STAB1: variants seen among roughly 807,000 people sequenced by gnomAD.
STAB1 encodes stabilin 1.
In STAB1, 250 loss-of-function variants were observed where a neutral mutation model predicts 332.4. That is an observed-to-expected ratio of 0.75 (90% CI 0.68 to 0.84). The LOEUF is 0.84. STAB1 is among the 40% of genes least tolerant of loss of function. The pLI is 0.00. For missense variants in STAB1, 3,249 were observed against 3,489.7 expected (o/e 0.93, Z 1.74); for synonymous variants, 1,475 against 1,390.4 (o/e 1.06, Z -1.35).
rs569203616 is a variant in STAB1, at chr3:52,502,178, C to T, written c.437C>T (p.Ala146Val). Residue 146 changes from alanine to valine, a missense_variant, in exon 5 of 69, where the codon GCC (alanine) becomes GTC (valine). Transcript: ENST00000321725. ...CVCQENFRGS[A>V]CQECQDPNRF... ...CACCAGGAAAACTTCCGCGGCTCAG[C>T]CTGCCAGGAGTGCCAAGACCCCAAC... The T allele has an allele frequency of 6.2e-7, 1 of 1,613,396 alleles. No homozygotes were observed. Among genetic ancestry groups the T allele is most frequent in the South Asian group, 1.1e-5 (1 of 91,082 alleles).
At position 52,522,616 on chromosome 3, in the gene STAB1, G is replaced by A. The variant is rs117661203; in HGVS notation, c.6672G>A (p.Ser2224=). 2,212 of 1,612,956 alleles carry A rather than the reference G, an allele frequency of 1.4e-3. 52 individuals carry two copies. In the East Asian group the frequency reaches 0.045, roughly 33 times the overall value. The change falls in exon 61 of 69, where the codon TCG becomes TCA. Residue 2224 remains serine, a synonymous_variant. Coordinates refer to ENST00000321725, the MANE Select transcript of STAB1 (RefSeq NM_015136.3). ...ATSGPYGLNF[S]EAEAACEAQG... is the part of the protein sequence containing the mutation. Reference sequence around the variant, plus strand: ...GCGGCCCTTATGGTCTGAACTTTTCGGAGGCTGAGGCGGCATGCGAAGCAC... The same window carrying A: ...GCGGCCCTTATGGTCTGAACTTTTCAGAGGCTGAGGCGGCATGCGAAGCAC...
At chr3:52,513,425 CAGG>C (rs1381878918) in intron 30 of STAB1, among the ~76,000 whole-genome samples, 184 bp downstream of exon 30, 3 of 152,176 alleles carry the variant, frequency 2.0e-5, no homozygotes. Context: ...GTCGCTGGGC[CAGG>C]AGTGACTGCC....
Position 52,505,898 on chromosome 3 carries a change from C to T in STAB1, c.1711C>T (p.Gln571Ter). The T allele has an allele frequency of 3.1e-6, 5 of 1,613,966 alleles. No homozygotes were observed. Among genetic ancestry groups the T allele is most frequent in the Non-Finnish European group, 4.2e-6 (5 of 1,180,042 alleles). Residue 571 changes from glutamine (Q) to a stop codon, truncating the protein, a stop_gained, in exon 16 of 69, where the codon CAG becomes TAG. Coordinates refer to ENST00000321725, the MANE Select transcript of STAB1 (RefSeq NM_015136.3). LOFTEE classifies it high-confidence loss of function. ...YLFTAGLSKL[Q>*]ELVRYHIYNH... is the part of the protein sequence containing the mutation. ...CCCCTGCCAGGGTCTCTCTAAACTG[C>T]AGGAGTTGGTGCGGTACCACATCTA...
Position 52,502,617 on chromosome 3 carries a change from G to C in STAB1, c.488-15G>C, listed in dbSNP as rs754080518. 5.0e-6 allele frequency: 8 copies of C among 1,604,932 alleles called. No homozygotes were observed. The South Asian group carries it at 8.8e-5, about 18-fold the overall frequency. ...AGAGGCTGGGGCCCCATCTGTCTCT[G>C]TGTGTCCCTCCCAGTGTGCAGCTGT... On this transcript the variant is annotated splice_polypyrimidine_tract_variant and intron_variant, in intron 5 of 68. Transcript: ENST00000321725.
At position 52,510,784 on chromosome 3, in the gene STAB1, C is replaced by T. The variant is rs149790046; in HGVS notation, c.2787+277C>T. ...GAGCAAAGCAGGAAAAGCCCCTGCCCGTGGGAGTGACCTCCCCAAAACTTT... is the reference window on the plus strand; with the variant it reads ...GAGCAAAGCAGGAAAAGCCCCTGCCTGTGGGAGTGACCTCCCCAAAACTTT... On this transcript the variant is annotated intron_variant, in intron 25 of 68. Transcript: ENST00000321725. Among the ~76,000 whole-genome samples the T allele has an allele frequency of 2.7e-3, 406 of 152,338 alleles. 2 individuals carry two copies. Among genetic ancestry groups the T allele is most frequent in the African/African-American group, 8.7e-3 (361 of 41,570 alleles).
chr3:52,503,506 A>T lies in STAB1; in HGVS notation c.857A>T (p.Asn286Ile). Residue 286 changes from asparagine to isoleucine, a missense_variant, in exon 8 of 69, where the codon AAC becomes ATC. Coordinates refer to ENST00000321725, the MANE Select transcript of STAB1 (RefSeq NM_015136.3). ...CTDNLGGCPS[N>I]STLCVYQKPG... ...GACAACCTTGGTGGCTGCCCCAGCA[A>T]CTCTACTTTGTGTGTGTACCAGAAG... is the stretch of plus-strand genomic sequence containing the variant. 1 of 1,613,394 alleles carries T rather than the reference A, an allele frequency of 6.2e-7. No individual in the cohort carries two copies. Among genetic ancestry groups the T allele is most frequent in the Non-Finnish European group, 8.5e-7 (1 of 1,179,968 alleles).
At position 52,507,926 on chromosome 3, in the gene STAB1, C is replaced by T; in HGVS notation, c.2053-5C>T. The T allele has an allele frequency of 1.2e-6, 2 of 1,612,894 alleles. No homozygotes were observed. Among genetic ancestry groups the T allele is most frequent in the Non-Finnish European group, 1.7e-6 (2 of 1,179,540 alleles). ...CACTGACTGGCTTTGCATGGCCCACCCTAGGACATCTTCCCCAAGGAGTGT... is the reference window on the plus strand; with the variant it reads ...CACTGACTGGCTTTGCATGGCCCACTCTAGGACATCTTCCCCAAGGAGTGT... On this transcript the variant is annotated splice_polypyrimidine_tract_variant and splice_region_variant and intron_variant, in intron 19 of 68. Transcript: ENST00000321725.
Position 52,510,195 on chromosome 3 carries a change from A to G in STAB1, c.2588A>G (p.Asn863Ser). Residue 863 changes from asparagine (N) to serine (S), a missense_variant, in exon 24 of 69, where the codon AAC (asparagine) becomes AGC (serine). Physicochemically the swap from Asn to Ser is conservative, Grantham distance 46. Coordinates refer to ENST00000321725, the MANE Select transcript of STAB1 (RefSeq NM_015136.3). ...EGDGFSCTPS[N>S]PCSHPDRGGC... ...GATGGCTTCTCCTGCACACCTAGCA[A>G]CCCCTGCTCCCACCCGGACCGTGGA... is the stretch of plus-strand genomic sequence containing the variant. 1 of 1,613,834 alleles carries G rather than the reference A, an allele frequency of 6.2e-7. No homozygotes were observed.
At chr3:52,509,625 C>CCT in intron 22 of STAB1, 1 of 599,912 alleles carries the variant, frequency 1.7e-6, no homozygotes. Flanking sequence ...GTCAGACACA[C>CCT]TGAAGAACTT....
chr3:52,503,555 C>T lies in STAB1; in HGVS notation c.891+15C>T. On this transcript the variant is annotated intron_variant, in intron 8 of 68. Coordinates refer to ENST00000321725, the MANE Select transcript of STAB1 (RefSeq NM_015136.3). ...AGCCGGGCCAGGTGAGCCAGGGTCC[C>T]AGGCCGGAACTGTCCCCACAGTGCA... The T allele has an allele frequency of 6.2e-7, 1 of 1,611,174 alleles. No individual in the cohort carries two copies.
chr3:52,519,447 G>A, intron 49 of STAB1, 43 bp downstream of exon 49: 1 of 1,611,924 alleles, frequency 6.2e-7, no homozygotes, highest in Non-Finnish European at 8.5e-7. Context: ...CAGGCAGGTG[G>A]GGGCCTGGGA....
At position 52,507,600 on chromosome 3, in the gene STAB1, C is replaced by A. The variant is rs747565615; in HGVS notation, c.1990-13C>A. ...ACTAACCCCTCTCCCCATCCTGCCC[C>A]TGCCCTGCCCAGGGCTCCTGTGTGG... On this transcript the variant is annotated splice_polypyrimidine_tract_variant and intron_variant, in intron 18 of 68. Transcript: ENST00000321725. 32 of 1,612,594 alleles carry A rather than the reference C, an allele frequency of 2.0e-5. No individual in the cohort carries two copies. Among genetic ancestry groups the A allele is most frequent in the Non-Finnish European group, 2.6e-5 (31 of 1,179,358 alleles).
At chr3:52,501,903 G>T (rs1054022979) in intron 3 of STAB1, 103 bp from the exon 4 acceptor site, 38 of 1,489,136 alleles carry the variant, frequency 2.6e-5, no homozygotes, top group East Asian at 2.3e-5. Context: ...CCTTGCTCTT[G>T]CTTCCTTGGG....
At chr3:52,519,237 T>G (rs1264256463) in intron 48 of STAB1, 27 bp from the exon 49 acceptor site, 11 of 1,600,376 alleles carry the variant, frequency 6.9e-6, no homozygotes, top group Non-Finnish European at 9.4e-6. Context: ...ACCTATCTGC[T>G]TCATCAGCCC....
chr3:52,516,420 C>A lies in STAB1; in HGVS notation c.4209C>A (p.Asn1403Lys), dbSNP rs199539457. 63 of 1,611,840 alleles carry A rather than the reference C, an allele frequency of 3.9e-5. No homozygotes were observed. In the East Asian group the frequency reaches 1.4e-3, roughly 36 times the overall value. The change falls in exon 39 of 69, where the codon AAC (asparagine) becomes AAA (lysine). Residue 1403 changes from asparagine (N) to lysine (K), a missense_variant. Coordinates refer to ENST00000321725, the MANE Select transcript of STAB1 (RefSeq NM_015136.3). Reference sequence around the variant, plus strand: ...AAGGGGACGGAAGCTGTGTCTGTAACGTGGGCTGGCAGGGCCTCCGCTGTG... The same window carrying A: ...AAGGGGACGGAAGCTGTGTCTGTAAAGTGGGCTGGCAGGGCCTCCGCTGTG... The part of the protein sequence containing the change: ...GLQGDGSCVC[N>K]VGWQGLRCDQ...
chr3:52,501,457 G>A, intron 2 of STAB1, 155 bp downstream of exon 2: 1 of 1,254,680 alleles, frequency 8.0e-7, no homozygotes, highest in Non-Finnish European at 1.1e-6. Flanking sequence ...GGGGAGGAAG[G>A]GGTAAAGGCG....
chr3:52,517,802 A>C, intron 44 of STAB1, 79 bp from the exon 45 acceptor site: 1 of 1,601,248 alleles, frequency 6.2e-7, no homozygotes, highest in Non-Finnish European at 8.5e-7. Context: ...AGGGGCCTTC[A>C]TGGCCTCTTT....
intron 28 of STAB1, 82 bp downstream of exon 28, chr3:52,512,725 A>G: frequency 1.9e-6 from 3 of 1,611,260 alleles, no homozygotes; most frequent in Non-Finnish European, 2.5e-6. Context: ...TAACATCTCC[A>G]AGCGTGGGAG....
intron 1 of STAB1, among the ~76,000 whole-genome samples, chr3:52,496,027 G>C (rs960404682): frequency 3.3e-5 from 5 of 152,180 alleles, no homozygotes; most frequent in African/African-American, 1.2e-4. Flanking sequence ...CCACAGCCCC[G>C]GGCAGGTCCC....
Sources: gnomAD v4.1 joint callset for allele counts (sites outside exome capture counted in the v4.1 genomes callset) on GRCh38, gnomAD v4.1.1 for gene constraint, MANE v1.5 for transcripts, NCBI Gene and HGNC (gene_info 2026-07-23, HGNC 2026-07-21) for gene names.